The following SLC35D4 variants were observed in gnomAD, a reference collection of about 807,000 sequenced individuals.
The protein encoded by SLC35D4 is solute carrier family 35 member D4.
the SLC35D4 span, among the ~76,000 whole-genome samples, chr18:23,304,891 C>G: frequency 6.6e-6 from 1 of 152,194 alleles, no homozygotes; most frequent in Non-Finnish European, 1.5e-5. Context: ...GGGGCATCTT[C>G]CAAACACTCC....
chr18:23,279,310 A>G, the SLC35D4 span, among the ~76,000 whole-genome samples: 2 of 152,258 alleles, frequency 1.3e-5, no homozygotes, highest in East Asian at 3.9e-4. Context: ...TCCCCCATCA[A>G]CTTCTGCTTA....
chr18:23,320,465 A>G, the SLC35D4 span, among the ~76,000 whole-genome samples: 5 of 152,182 alleles, frequency 3.3e-5, no homozygotes, highest in African/African-American at 1.2e-4. Context: ...TGCTAACATC[A>G]TCTGTAGTTC....
At chr18:23,310,820 G>A in the SLC35D4 span, among the ~76,000 whole-genome samples, 1 of 152,060 alleles carries the variant, frequency 6.6e-6, no homozygotes, top group African/African-American at 2.4e-5. Context: ...ATATAAACAT[G>A]GTGAGATTTT....
At chr18:23,246,616 C>T in the SLC35D4 span, among the ~76,000 whole-genome samples, 5 of 151,714 alleles carry the variant, frequency 3.3e-5, no homozygotes, top group Admixed American at 1.3e-4. Flanking sequence ...TGGTCTCGAT[C>T]TCCTGACCTT....
the SLC35D4 span, among the ~76,000 whole-genome samples, chr18:23,407,298 A>C: frequency 6.6e-6 from 1 of 152,196 alleles, no homozygotes; most frequent in Non-Finnish European, 1.5e-5. Context: ...ACCTCAATAA[A>C]TGCTGCCCTT....
At chr18:23,368,786 T>C in the SLC35D4 span, 13 of 1,360,508 alleles carry the variant, frequency 9.6e-6, no homozygotes, top group African/African-American at 2.9e-5. Context: ...ATAAATGAAG[T>C]AGCAGAACTA....
chr18:23,342,176 C>T, the SLC35D4 span, among the ~76,000 whole-genome samples: 1 of 152,182 alleles, frequency 6.6e-6, no homozygotes, highest in African/African-American at 2.4e-5. Context: ...TCACCACAAT[C>T]CAGTTTGAAA....
At chr18:23,334,154 T>C in the SLC35D4 span, among the ~76,000 whole-genome samples, 44 of 152,226 alleles carry the variant, frequency 2.9e-4, no homozygotes, top group Non-Finnish European at 5.9e-4. Flanking sequence ...AAATATTGAC[T>C]AATCACCTAC....
the SLC35D4 span, among the ~76,000 whole-genome samples, chr18:23,274,971 G>A: frequency 4.6e-5 from 7 of 151,946 alleles, no homozygotes; most frequent in South Asian, 2.1e-4. Flanking sequence ...TTGTGTGTGC[G>A]CTTGTGTCTG....
the SLC35D4 span, chr18:23,260,248 G>A: frequency 6.6e-6 from 1 of 152,138 alleles, no homozygotes; most frequent in Non-Finnish European, 1.5e-5. Context: ...ATGCAAATGG[G>A]TTTTGTTTTC....
At chr18:23,408,250 A>T in the SLC35D4 span, among the ~76,000 whole-genome samples, 1 of 152,066 alleles carries the variant, frequency 6.6e-6, no homozygotes, top group South Asian at 2.1e-4. Context: ...TTACATTTTC[A>T]TGTGTTTATT....
At chr18:23,390,800 T>C in the SLC35D4 span, among the ~76,000 whole-genome samples, 1 of 152,168 alleles carries the variant, frequency 6.6e-6, no homozygotes, top group Non-Finnish European at 1.5e-5. Context: ...ACCTTTCTAT[T>C]TGGGTGATTT....
chr18:23,428,478 G>GGA, the SLC35D4 span, among the ~76,000 whole-genome samples: 5 of 152,042 alleles, frequency 3.3e-5, no homozygotes, highest in African/African-American at 1.2e-4. Context: ...TAATATTCAA[G>GGA]GAGAATACTA....
the SLC35D4 span, among the ~76,000 whole-genome samples, chr18:23,317,723 T>G: frequency 3.3e-5 from 5 of 152,130 alleles, no homozygotes; most frequent in Admixed American, 3.3e-4. Flanking sequence ...TAGATATACT[T>G]TGTCTTTTTA....
chr18:23,299,125 C>A, the SLC35D4 span, among the ~76,000 whole-genome samples: 3 of 152,188 alleles, frequency 2.0e-5, no homozygotes, highest in Non-Finnish European at 2.9e-5. Context: ...TAGAATCAGG[C>A]CAATTCAAGC....
the SLC35D4 span, among the ~76,000 whole-genome samples, chr18:23,375,308 T>G: frequency 6.6e-6 from 1 of 152,018 alleles, no homozygotes; most frequent in Non-Finnish European, 1.5e-5. Context: ...CAGTATTTAG[T>G]ATTTAGAAGT....
At chr18:23,401,727 G>A in the SLC35D4 span, among the ~76,000 whole-genome samples, 1 of 152,182 alleles carries the variant, frequency 6.6e-6, no homozygotes, top group Non-Finnish European at 1.5e-5. Flanking sequence ...TGTAAGGTCA[G>A]CGAGGCCCCA....
chr18:23,274,616 C>T, the SLC35D4 span, among the ~76,000 whole-genome samples: 5 of 152,188 alleles, frequency 3.3e-5, no homozygotes, highest in African/African-American at 1.2e-4. Flanking sequence ...CCCCTATTCC[C>T]CACTGGAACT....
chr18:23,302,401 C>T, the SLC35D4 span, among the ~76,000 whole-genome samples: 1 of 152,182 alleles, frequency 6.6e-6, no homozygotes, highest in Admixed American at 6.5e-5. Context: ...TTCATTGTTA[C>T]AATTGAGGGG....
Sources: allele counts gnomAD v4.1 joint callset (sites outside exome capture counted in the v4.1 genomes callset), GRCh38; gene constraint gnomAD v4.1.1; transcripts MANE v1.5; gene names NCBI Gene and HGNC (gene_info 2026-07-23, HGNC 2026-07-21).